Variants in LPA observed in about 807,000 individuals in gnomAD.
The protein encoded by LPA is lipoprotein(a).
A neutral mutation model predicts 197.9 loss-of-function variants in LPA; 199 were observed. The observed-to-expected ratio is 1.01, with a 90% confidence interval of 0.90 to 1.13. The LOEUF (loss-of-function observed/expected upper bound fraction) is 1.13. Among genes scored for constraint, LPA ranks in the 50% most tolerant of loss-of-function variants. The pLI, the probability that LPA is intolerant of heterozygous loss-of-function variation, is 0.00. For missense variants in LPA, 1,853 were observed against 1,785.8 expected, an observed-to-expected ratio of 1.04 and a Z score of -0.68; for synonymous variants, 715 against 639.5, an observed-to-expected ratio of 1.12 and a Z score of -1.78.
chr6:160,582,868 C>T (rs1778827157), intron 26 of LPA, among the ~76,000 whole-genome samples: 1 of 152,170 alleles, frequency 6.6e-6, no homozygotes, highest in Admixed American at 6.6e-5. Context: ...GTCCTTGAGG[C>T]TCTGTTTATC....
At chr6:160,541,977 T>C (rs1179133745) in intron 34 of LPA, among the ~76,000 whole-genome samples, 1 of 149,068 alleles carries the variant, frequency 6.7e-6, no homozygotes, top group Non-Finnish European at 1.5e-5. Context: ...GAAGTCTCTT[T>C]AGAGGAGAAC....
intron 19 of LPA, 28 bp downstream of exon 19, chr6:160,600,889 C>T: frequency 6.2e-7 from 1 of 1,610,352 alleles, no homozygotes; most frequent in Non-Finnish European, 8.5e-7. Context: ...AGCATCCAAG[C>T]AGGTAAATGT....
chr6:160,598,891 C>G (rs1779181521), intron 20 of LPA, among the ~76,000 whole-genome samples: 3 of 152,176 alleles, frequency 2.0e-5, no homozygotes, highest in Non-Finnish European at 4.4e-5. Context: ...TGATAGAATT[C>G]CAAGGTGAAA....
chr6:160,653,143 C>T (rs923781802), intron 1 of LPA, among the ~76,000 whole-genome samples: 4 of 152,102 alleles, frequency 2.6e-5, no homozygotes, highest in African/African-American at 9.7e-5. Context: ...GTATTCATAT[C>T]AGCACAAATA....
chr6:160,608,241 T>C (rs942050223), intron 16 of LPA, among the ~76,000 whole-genome samples: 1 of 152,194 alleles, frequency 6.6e-6, no homozygotes, highest in African/African-American at 2.4e-5. Context: ...GTCACCTCTC[T>C]TGTTACATCA....
chr6:160,583,334 G>A (rs771337285), intron 26 of LPA, among the ~76,000 whole-genome samples: 2 of 152,082 alleles, frequency 1.3e-5, no homozygotes, highest in African/African-American at 2.4e-5. Context: ...CTTCTGACAG[G>A]CAATTAATTT....
In LPA at chr6:160,664,157, A is replaced by G; in HGVS notation, c.49+9T>C. 1.3e-6 allele frequency: 2 copies of G among 1,598,774 alleles called. No individual in the cohort carries two copies. The highest frequency in any genetic ancestry group is 1.7e-6 in the Non-Finnish European group (2 of 1,171,262). ...ATAATTCTTATAATTTAAAAAAACT[A>G]TGTCTTACCTGATTTCAGAAATAAA... On this transcript the variant is annotated intron_variant, in intron 1 of 38. Coordinates refer to ENST00000316300, the MANE Select transcript of LPA (RefSeq NM_005577.4).
Position 160,537,903 on chromosome 6 carries a change from C to A in LPA, c.5794G>T (p.Val1932Phe), listed in dbSNP as rs761853859. ...PACLPSPDYM[V>F]TARTECYITG... ...ATGTAACATTCAGTCCTGGCGGTGA[C>A]CATGTAGTCTGGGGATGGCAGACAA... Residue 1932 changes from valine to phenylalanine, a missense_variant, in exon 37 of 39, where the codon GTC becomes TTC. Around this residue, in one of 3 missense-constraint regions of LPA, gnomAD observed 1,737 missense variants for 1,504.4 expected, o/e 1.15. Transcript: ENST00000316300. 6.2e-7 allele frequency: 1 copy of A among 1,614,202 alleles called. No individual in the cohort carries two copies. The highest frequency in any genetic ancestry group is 1.7e-5 in the Admixed American group (1 of 60,020).
chr6:160,584,992 A>G (rs1241936454), intron 26 of LPA, 54 bp downstream of exon 26: 18 of 1,587,384 alleles, frequency 1.1e-5, no homozygotes, highest in Non-Finnish European at 1.6e-5. Context: ...TGGGCCAGCT[A>G]AGAGAAATTT....
intron 30 of LPA, among the ~76,000 whole-genome samples, chr6:160,553,960 C>CGCGCGCGCGTGTGCGTGTGT (rs1778212520): frequency 6.2e-5 from 2 of 32,382 alleles, no homozygotes; most frequent in Non-Finnish European, 1.5e-4. Flanking sequence ...TGTGTGCGCG[C>CGCGCGCGCGTGTGCGTGTGT]GCGCGCGTGT....
At chr6:160,568,646 G>T (rs996711722) in intron 28 of LPA, among the ~76,000 whole-genome samples, 245 of 152,286 alleles carry the variant, frequency 1.6e-3, no homozygotes, top group Admixed American at 4.9e-3. Context: ...GGGCAATTAG[G>T]CAGGAGAAGG....
intron 19 of LPA, 151 bp downstream of exon 19, chr6:160,600,766 C>A: frequency 2.3e-6 from 2 of 878,796 alleles, no homozygotes; most frequent in Non-Finnish European, 3.7e-6. Flanking sequence ...CTGGCTCCCC[C>A]AGAGAGTGCG....
chr6:160,647,362 C>G (rs138025805), intron 2 of LPA, among the ~76,000 whole-genome samples: 132 of 152,288 alleles, frequency 8.7e-4, no homozygotes, highest in African/African-American at 3.1e-3. Flanking sequence ...GCTCCAACCT[C>G]TCAGTATCCT....
At chr6:160,604,742 C>A (rs572272999) in intron 18 of LPA, among the ~76,000 whole-genome samples, 1 of 152,102 alleles carries the variant, frequency 6.6e-6, no homozygotes, top group Non-Finnish European at 1.5e-5. Context: ...CTGCATTGAA[C>A]CTTAGTGGGT....
chr6:160,650,797 A>T (rs1487893770), intron 1 of LPA, among the ~76,000 whole-genome samples: 1 of 152,206 alleles, frequency 6.6e-6, no homozygotes, highest in Non-Finnish European at 1.5e-5. Flanking sequence ...CTTAATGTTC[A>T]TGAGGACCAC....
chr6:160,663,801 A>T (rs1780264646), intron 1 of LPA, among the ~76,000 whole-genome samples: 1 of 152,206 alleles, frequency 6.6e-6, no homozygotes, highest in African/African-American at 2.4e-5. Context: ...GGAGCATGGC[A>T]CCTGAACAGA....
At chr6:160,592,357 T>G (rs1779046302) in intron 22 of LPA, among the ~76,000 whole-genome samples, 1 of 152,148 alleles carries the variant, frequency 6.6e-6, no homozygotes, top group Non-Finnish European at 1.5e-5. Context: ...TCATTACAGA[T>G]ATAACTTTTC....
chr6:160,592,158 T>C (rs1779042515), intron 22 of LPA, among the ~76,000 whole-genome samples: 1 of 152,222 alleles, frequency 6.6e-6, no homozygotes, highest in Non-Finnish European at 1.5e-5. Context: ...AACACATATA[T>C]TAAATGTGTG....
At chr6:160,557,671 C>T (rs1017778052) in intron 28 of LPA, 100 bp from the exon 29 acceptor site, 4 of 1,021,686 alleles carry the variant, frequency 3.9e-6, no homozygotes, top group East Asian at 2.4e-5. Context: ...TAAAAAGTGA[C>T]GTTGTAATAT....
Sources: allele counts gnomAD v4.1 joint callset (sites outside exome capture counted in the v4.1 genomes callset), GRCh38; gene constraint gnomAD v4.1.1; regional missense constraint gnomAD v4.1.1; transcripts MANE v1.5; gene names NCBI Gene and HGNC (gene_info 2026-07-23, HGNC 2026-07-21).